The following DACH1 variants were observed in gnomAD, a reference collection of about 807,000 sequenced individuals.
DACH1 encodes the protein dachshund family transcription factor 1.
DACH1 carries 12 observed loss-of-function variants against 54.2 expected under a neutral mutation model. The observed-to-expected ratio is 0.22, with a 90% confidence interval of 0.14 to 0.36. The LOEUF (loss-of-function observed/expected upper bound fraction) is 0.36. Ranked by LOEUF, DACH1 falls within the 10% of genes least tolerant of loss-of-function variation. The pLI is 1.00. For synonymous variants in DACH1, 386 were observed against 366.2 expected (o/e 1.05, Z -0.62); for missense variants, 805 against 929.8 (o/e 0.87, Z 1.75).
intron 6 of DACH1, among the ~76,000 whole-genome samples, chr13:71,552,824 TATATATATATATATATATAGAG>T (rs1248166422): frequency 4.5e-3 from 230 of 50,896 alleles, no homozygotes; most frequent in Non-Finnish European, 7.0e-3. Context: ...TATATATATA[TATATATATATATATATATAGAG>T]AGAGAGAGAG....
chr13:71,671,522 T>C (rs1186532445), intron 2 of DACH1, among the ~76,000 whole-genome samples: 2 of 151,958 alleles, frequency 1.3e-5, no homozygotes, highest in Non-Finnish European at 2.9e-5. Flanking sequence ...AAAAGTAAAA[T>C]AAAATAGAAT....
At chr13:71,697,388 A>G (rs1881887201) in intron 1 of DACH1, among the ~76,000 whole-genome samples, 2 of 152,184 alleles carry the variant, frequency 1.3e-5, no homozygotes, top group Admixed American at 6.5e-5. Flanking sequence ...GTATGGCGCC[A>G]ACTTGATAAT....
At chr13:71,536,841 C>G (rs1360823723) in intron 6 of DACH1, among the ~76,000 whole-genome samples, 2 of 152,070 alleles carry the variant, frequency 1.3e-5, no homozygotes, top group South Asian at 4.2e-4. Flanking sequence ...CCACTTCAAT[C>G]AATCCATTTC....
intron 1 of DACH1, among the ~76,000 whole-genome samples, chr13:71,852,921 C>G (rs1873767340): frequency 6.6e-6 from 1 of 152,144 alleles, no homozygotes; most frequent in Non-Finnish European, 1.5e-5. Context: ...ATTAGACAAT[C>G]TGGGTCTGGA....
chr13:71,771,686 T>G (rs1207884120), intron 1 of DACH1, among the ~76,000 whole-genome samples: 1 of 151,526 alleles, frequency 6.6e-6, no homozygotes, highest in Non-Finnish European at 1.5e-5. Flanking sequence ...TGTTGGTAAA[T>G]GTTAAACATT....
In DACH1 at chr13:71,866,760, G is replaced by T. The variant is rs1001400809; in HGVS notation, c.10C>A (p.Pro4Thr). The T allele has an allele frequency of 2.2e-6, 3 of 1,373,442 alleles. No homozygotes were observed. The highest frequency in any genetic ancestry group is 3.0e-5 in the African/African-American group (2 of 67,358). The allele number at this position is 1,373,442 out of a possible 1,614,324, so 85.1% of individuals were successfully genotyped here. ...TGGGTCGGAGGGATCAAAGCCGCCG[G>T]CACTGCCATGGTCACATATAAGGGG... MAV[P>T]AALIPPTQLV... Residue 4 changes from proline to threonine, a missense_variant, in exon 1 of 11, where the codon CCG (proline) becomes ACG (threonine). Coordinates refer to ENST00000613252, the MANE Select transcript of DACH1 (RefSeq NM_080759.6).
intron 6 of DACH1, among the ~76,000 whole-genome samples, chr13:71,552,830 T>C (rs1455681440): frequency 2.3e-5 from 1 of 42,866 alleles, no homozygotes; most frequent in African/African-American, 1.0e-4. Flanking sequence ...TATATATATA[T>C]ATATATATAT....
At chr13:71,563,286 T>C (rs1438651990) in intron 4 of DACH1, among the ~76,000 whole-genome samples, 2 of 152,044 alleles carry the variant, frequency 1.3e-5, no homozygotes, top group African/African-American at 4.8e-5. Flanking sequence ...ATTATGTTAA[T>C]GCATGTTTGG....
intron 1 of DACH1, among the ~76,000 whole-genome samples, chr13:71,699,882 G>A (rs1472021231): frequency 1.3e-5 from 2 of 151,984 alleles, no homozygotes; most frequent in African/African-American, 2.4e-5. Context: ...CTCACTTTAT[G>A]TCAAAATGGA....
intron 1 of DACH1, among the ~76,000 whole-genome samples, chr13:71,791,959 A>G (rs1056155309): frequency 2.6e-5 from 4 of 152,154 alleles, no homozygotes; most frequent in Non-Finnish European, 5.9e-5. Context: ...AACCCACGGA[A>G]AGCTCACCCT....
intron 3 of DACH1, among the ~76,000 whole-genome samples, chr13:71,608,845 C>T (rs186799725): frequency 3.9e-5 from 6 of 152,008 alleles, no homozygotes; most frequent in South Asian, 2.1e-4. Flanking sequence ...CTGGCCATAA[C>T]GAATTTCCTG....
intron 4 of DACH1, among the ~76,000 whole-genome samples, chr13:71,560,910 A>T (rs1884542795): frequency 6.6e-6 from 1 of 152,306 alleles, no homozygotes; most frequent in Non-Finnish European, 1.5e-5. Flanking sequence ...AGAAAACTAT[A>T]TAAAGTATGT....
intron 6 of DACH1, among the ~76,000 whole-genome samples, chr13:71,556,774 C>CT (rs900568562): frequency 1.2e-4 from 18 of 146,046 alleles, no homozygotes; most frequent in South Asian, 6.5e-4. Flanking sequence ...ACAATTGGGA[C>CT]TTTTTTTTTT....
intron 2 of DACH1, among the ~76,000 whole-genome samples, chr13:71,678,130 T>C (rs1017600894): frequency 6.6e-6 from 1 of 152,208 alleles, no homozygotes; most frequent in Non-Finnish European, 1.5e-5. Context: ...CAAATGTTAC[T>C]TCTCAGAATA....
intron 3 of DACH1, among the ~76,000 whole-genome samples, chr13:71,596,980 T>A (rs769843796): frequency 1.4e-4 from 22 of 152,186 alleles, no homozygotes; most frequent in Admixed American, 3.3e-4. Flanking sequence ...AAATTTAATA[T>A]TAATTTCCAT....
intron 6 of DACH1, among the ~76,000 whole-genome samples, chr13:71,520,894 G>A (rs957588586): frequency 1.3e-5 from 2 of 151,840 alleles, no homozygotes; most frequent in African/African-American, 4.8e-5. Context: ...AGATATGTAG[G>A]CTAAAAAGAT....
At chr13:71,478,730 C>A (rs140192153) in intron 8 of DACH1, among the ~76,000 whole-genome samples, 1 of 152,248 alleles carries the variant, frequency 6.6e-6, no homozygotes, top group African/African-American at 2.4e-5. Context: ...AGATATTCAT[C>A]CATTTTCAAT....
chr13:71,726,314 T>A (rs759571631), intron 1 of DACH1, among the ~76,000 whole-genome samples: 12 of 152,074 alleles, frequency 7.9e-5, no homozygotes, highest in Non-Finnish European at 1.8e-4. Context: ...AAAAGAATAC[T>A]TCCATGTCTG....
intron 1 of DACH1, among the ~76,000 whole-genome samples, chr13:71,785,104 A>G (rs1047970170): frequency 6.6e-6 from 1 of 152,144 alleles, no homozygotes; most frequent in African/African-American, 2.4e-5. Context: ...TGAGAGTTCT[A>G]AGATGTAAGA....
Sources: gnomAD v4.1 joint callset for allele counts (sites outside exome capture counted in the v4.1 genomes callset) on GRCh38, gnomAD v4.1.1 for gene constraint, MANE v1.5 for transcripts, NCBI Gene and HGNC (gene_info 2026-07-23, HGNC 2026-07-21) for gene names.